Variants in ARHGAP29 observed in about 807,000 individuals in gnomAD.
ARHGAP29 encodes the protein Rho GTPase activating protein 29, also known as rho GTPase-activating protein 29.
A neutral mutation model predicts 122.6 loss-of-function variants in ARHGAP29; 43 were observed. The observed-to-expected ratio is 0.35, with a 90% CI of 0.27 to 0.45. The LOEUF is 0.45. Ranked by LOEUF, ARHGAP29 falls within the 20% of genes least tolerant of loss-of-function variation. The probability of loss-of-function intolerance (pLI) is 1.00; values close to 1 mark genes in which losing one functional copy is unlikely to be tolerated. For synonymous variants in ARHGAP29, 506 were observed against 497.1 expected, an observed-to-expected ratio of 1.02 and a Z score of -0.24; for missense variants, 1,303 against 1,477.2, an observed-to-expected ratio of 0.88 and a Z score of 1.93.
chr1:94,189,929 T>A lies in ARHGAP29; in HGVS notation c.1436A>T (p.Asp479Val). 6.2e-7 allele frequency: 1 copy of A among 1,612,974 alleles called. No homozygotes were observed. Among genetic ancestry groups the A allele is most frequent in the Non-Finnish European group, 8.5e-7 (1 of 1,179,264 alleles). Residue 479 changes from aspartate (D) to valine (V), a missense_variant, in exon 13 of 23, where the codon GAT (aspartate) becomes GTT (valine). Asp to Val is a radical substitution (Grantham distance 152). Coordinates refer to ENST00000260526, the MANE Select transcript of ARHGAP29 (RefSeq NM_004815.4). Reference protein sequence around the residue: ...ATNSTEEEKVDGNVNKHLNSS... With the variant: ...ATNSTEEEKVVGNVNKHLNSS... The stretch of plus-strand genomic sequence containing the variant: ...TTGTCTGTACATTAATTCTCACCCA[T>A]CAACTTTTTCTTCTTCAGTTGAATT...
chr1:94,237,845 G>C, upstream of ARHGAP29: 1 of 835,936 alleles, frequency 1.2e-6, no homozygotes, highest in South Asian at 5.4e-5. Flanking sequence ...AGTCACCTGA[G>C]GACTAGATGC....
rs1267613487 is a variant in ARHGAP29 at position 94,170,684 on chromosome 1, A to G, written c.*3185T>C. Among the ~76,000 whole-genome samples, 2 of 152,234 alleles carry G rather than the reference A, an allele frequency of 1.3e-5. No individual in the cohort carries two copies. The highest frequency in any genetic ancestry group is 4.8e-5 in the African/African-American group (2 of 41,468). Reference sequence around the variant, plus strand: ...CAAAAAATATTTTGGTTGGGATTACATTGAATCTACAAATGTAAATGAACA... The same window carrying G: ...CAAAAAATATTTTGGTTGGGATTACGTTGAATCTACAAATGTAAATGAACA... On this transcript the variant is annotated 3_prime_UTR_variant, in exon 23 of 23. Coordinates refer to ENST00000260526, the MANE Select transcript of ARHGAP29 (RefSeq NM_004815.4).
intron 7 of ARHGAP29, among the ~76,000 whole-genome samples, chr1:94,204,692 C>A (rs543763681): frequency 1.3e-5 from 2 of 151,980 alleles, no homozygotes; most frequent in Non-Finnish European, 2.9e-5. Context: ...CTGTAAAACA[C>A]TGAGGAAATA....
chr1:94,182,811 T>TAGAACAAAAC (rs1649560748), intron 19 of ARHGAP29, among the ~76,000 whole-genome samples: 1 of 148,770 alleles, frequency 6.7e-6, no homozygotes, highest in African/African-American at 2.5e-5. Flanking sequence ...AACAGGAGAA[T>TAGAACAAAAC]AAAACAAAAC....
At chr1:94,186,848 C>T (rs1175570736) in intron 15 of ARHGAP29, among the ~76,000 whole-genome samples, 1 of 152,174 alleles carries the variant, frequency 6.6e-6, no homozygotes, top group Non-Finnish European at 1.5e-5. Context: ...TAACACTTTA[C>T]TGCCAACTTC....
chr1:94,217,544 AC>A lies in ARHGAP29; in HGVS notation c.340+2713del, dbSNP rs534888291. Among the ~76,000 whole-genome samples the A allele has an allele frequency of 4.2e-3, 579 of 139,118 alleles. 6 individuals are homozygous for A. Among genetic ancestry groups the A allele is most frequent in the Middle Eastern group, 0.018 (5 of 274 alleles). 91.3% of individuals were successfully genotyped at this position (139,118 alleles called of 152,430 possible). A position where few individuals can be genotyped will look rare whatever the true frequency, so the allele number is the denominator to read the frequency against. ...GACACCGTCTCAAAAAAAAAAAAAA[AC>A]ACTCAATGATGGACTAGGTGTGGTG... On this transcript the variant is annotated intron_variant, in intron 3 of 22. Coordinates refer to ENST00000260526, the MANE Select transcript of ARHGAP29 (RefSeq NM_004815.4).
chr1:94,179,739 T>C lies in ARHGAP29; in HGVS notation c.2466A>G (p.Ile822Met), dbSNP rs374266098. Residue 822 changes from isoleucine (I) to methionine (M), a missense_variant, in exon 20 of 23, where the codon ATA becomes ATG. Transcript: ENST00000260526. ...ASNFNSLHFL[I>M]VHLKRVVDHA... ...AAAATTCTTACCGCTTTAGATGTAC[T>C]ATAAGGAAATGAAGACTGTTAAAAT... 6.8e-6 allele frequency: 11 copies of C among 1,608,210 alleles called. No homozygotes were observed. The African/African-American group carries it at 1.1e-4, about 16-fold the overall frequency.
upstream of ARHGAP29, among the ~76,000 whole-genome samples, chr1:94,238,409 A>G (rs1653439878): frequency 6.6e-6 from 1 of 151,882 alleles, no homozygotes; most frequent in South Asian, 2.1e-4. Flanking sequence ...CTTCATAATG[A>G]GAAGAAAAAA....
Position 94,174,339 on chromosome 1 carries a change from C to G in ARHGAP29, c.3316G>C (p.Gly1106Arg), listed in dbSNP as rs768127300. ...MIMPSALQEK[G>R]VTTSLQISGD... ...CTAATCTGGAGGCTTGTTGTCACTCCTTTTTCCTGGAGTGCACTGGGCATG... is the reference window on the plus strand; with the variant it reads ...CTAATCTGGAGGCTTGTTGTCACTCGTTTTTCCTGGAGTGCACTGGGCATG... The change falls in exon 23 of 23, where the codon GGA becomes CGA. Residue 1106 changes from glycine to arginine, a missense_variant. Physicochemically the swap from Gly to Arg is moderately radical, Grantham distance 125 (BLOSUM62 -2). Transcript: ENST00000260526. 8.1e-6 allele frequency: 13 copies of G among 1,614,024 alleles called. No individual in the cohort carries two copies. The highest frequency in any genetic ancestry group is 1.0e-5 in the Non-Finnish European group (12 of 1,180,040).
In ARHGAP29 at chr1:94,171,382, G is replaced by T. The variant is rs917983345; in HGVS notation, c.*2487C>A. ...GGTAAAACATGGCTAGGGAAGTTAT[G>T]ATCAACCCTTCAGAAATGACTTCTT... is the stretch of plus-strand genomic sequence containing the variant. On this transcript the variant is annotated 3_prime_UTR_variant, in exon 23 of 23. Transcript: ENST00000260526. Among the ~76,000 whole-genome samples, 2 of 152,170 alleles carry T rather than the reference G, an allele frequency of 1.3e-5. No homozygotes were observed. The highest frequency in any genetic ancestry group is 2.9e-5 in the Non-Finnish European group (2 of 68,042).
intron 3 of ARHGAP29, among the ~76,000 whole-genome samples, chr1:94,217,136 T>C (rs1651995080): frequency 6.6e-6 from 1 of 152,224 alleles, no homozygotes; most frequent in African/African-American, 2.4e-5. Flanking sequence ...GTATTTTTTT[T>C]CTATTGTTTG....
the ARHGAP29 span, among the ~76,000 whole-genome samples, chr1:94,288,901 C>A: frequency 6.6e-6 from 1 of 151,858 alleles, no homozygotes; most frequent in African/African-American, 2.4e-5. Context: ...GTTACTGTAG[C>A]CTTGTAGTGA....
chr1:94,240,133 A>ACC (rs1653522317), upstream of ARHGAP29, among the ~76,000 whole-genome samples: 1 of 152,150 alleles, frequency 6.6e-6, no homozygotes, highest in Admixed American at 6.5e-5. Flanking sequence ...AACCAGAACT[A>ACC]CCCCTAAACC....
rs1262554383 is a variant in ARHGAP29, at chr1:94,231,535, G to A, written c.77C>T (p.Thr26Ile). The A allele has an allele frequency of 1.3e-5, 21 of 1,613,684 alleles. No individual in the cohort carries two copies. The highest frequency in any genetic ancestry group is 1.7e-5 in the Non-Finnish European group (20 of 1,179,768). Reference sequence around the variant, plus strand: ...TAAGGACTTGAGCCCCATTTCAGAAGTTGTAATATCAGTAGAGAGTTGACC... The same window carrying A: ...TAAGGACTTGAGCCCCATTTCAGAAATTGTAATATCAGTAGAGAGTTGACC... The part of the protein sequence containing the change: ...ASGQLSTDIT[T>I]SEMGLKSLSS... The change falls in exon 2 of 23, where the codon ACT becomes ATT. Residue 26 changes from threonine (T) to isoleucine (I), a missense_variant. Physicochemically the swap from Thr to Ile is moderately conservative, Grantham distance 89. This residue lies in a region of ARHGAP29 where 592 missense variants were observed against 648.2 expected (regional missense o/e 0.91). Transcript: ENST00000260526.
Position 94,177,644 on chromosome 1 carries a change from T to C in ARHGAP29, c.2873A>G (p.Asn958Ser). Residue 958 changes from asparagine (N) to serine (S), a missense_variant, in exon 22 of 23, where the codon AAT becomes AGT. By Grantham distance (46) the Asn-to-Ser change is conservative. Coordinates refer to ENST00000260526, the MANE Select transcript of ARHGAP29 (RefSeq NM_004815.4). Reference sequence around the variant, plus strand: ...ACATGCATCACATTTTCCTAACGCATTTTGCTTGCGTTCTGATTCCTCAAA... The same window carrying C: ...ACATGCATCACATTTTCCTAACGCACTTTGCTTGCGTTCTGATTCCTCAAA... ...TSFEESERKQ[N>S]ALGKCDACLS... 1 of 1,613,248 alleles carries C rather than the reference T, an allele frequency of 6.2e-7. No homozygotes were observed. Among genetic ancestry groups the C allele is most frequent in the Admixed American group, 1.7e-5 (1 of 59,902 alleles).
chr1:94,252,899 G>C (rs1045817095), intron 1 of ARHGAP29, among the ~76,000 whole-genome samples: 3 of 152,006 alleles, frequency 2.0e-5, no homozygotes, highest in African/African-American at 7.2e-5. Flanking sequence ...ATAACAAAAT[G>C]AGATCTGTTT....
intron 15 of ARHGAP29, among the ~76,000 whole-genome samples, chr1:94,187,964 A>T (rs899019153): frequency 2.0e-5 from 3 of 152,204 alleles, no homozygotes; most frequent in African/African-American, 7.2e-5. Context: ...CTAAATGAGT[A>T]CAACTTCAGC....
Position 94,208,905 on chromosome 1 carries a change from CTATCCAAGGAGGTTA to C in ARHGAP29, c.438-16_438-2del. The C allele has an allele frequency of 6.2e-7, 1 of 1,613,306 alleles. No homozygotes were observed. The highest frequency in any genetic ancestry group is 8.5e-7 in the Non-Finnish European group (1 of 1,179,416). On this transcript the variant is annotated splice_acceptor_variant and splice_polypyrimidine_tract_variant and intron_variant, in intron 4 of 22. Transcript: ENST00000260526. LOFTEE classifies it high-confidence loss of function. ...ATCTCCCATAAGGAAGTTTGTAAGG[CTATCCAAGGAGGTTA>C]AAAAAAGAAAGACAAGTCATTATAC...
rs1648854949 is a variant in ARHGAP29, at chr1:94,173,168, A to C, written c.*701T>G. The C allele has an allele frequency of 6.6e-6, 1 of 152,644 alleles. No homozygotes were observed. Among genetic ancestry groups the C allele is most frequent in the Non-Finnish European group, 1.5e-5 (1 of 68,020 alleles). 9.5% of individuals were successfully genotyped at this position (152,644 alleles called of 1,614,324 possible). On this transcript the variant is annotated 3_prime_UTR_variant, in exon 23 of 23. Coordinates refer to ENST00000260526, the MANE Select transcript of ARHGAP29 (RefSeq NM_004815.4). ...AATGTATTAAAACCATCTAAAGCCA[A>C]ATATAATATAACTGAATATATAATT... is the stretch of plus-strand genomic sequence containing the variant.
Sources: gnomAD v4.1 joint callset for allele counts (sites outside exome capture counted in the v4.1 genomes callset) on GRCh38, gnomAD v4.1.1 for gene constraint, gnomAD v4.1.1 regional missense constraint, MANE v1.5 for transcripts, NCBI Gene and HGNC (gene_info 2026-07-23, HGNC 2026-07-21) for gene names.